The following RUNX1 variants were observed in gnomAD, a reference collection of about 807,000 sequenced individuals.
RUNX1 encodes runt-related transcription factor 1.
RUNX1 carries 19 observed loss-of-function variants against 42.8 expected under a neutral mutation model. The observed-to-expected ratio is 0.44, with a 90% confidence interval of 0.31 to 0.65. The LOEUF is 0.65. RUNX1 is among the 30% of genes least tolerant of loss of function. The pLI is 0.07. For missense variants in RUNX1, 528 were observed against 672.0 expected (o/e 0.79, Z 2.37); for synonymous variants, 271 against 289.4 (o/e 0.94, Z 0.64).
At chr21:35,040,570 G>A (rs573443311) in intron 2 of RUNX1, among the ~76,000 whole-genome samples, 2 of 151,700 alleles carry the variant, frequency 1.3e-5, no homozygotes, top group South Asian at 2.1e-4. Flanking sequence ...TCGGGAGATC[G>A]AAACCATCCT....
chr21:34,898,873 G>A (rs1313916968), intron 2 of RUNX1, among the ~76,000 whole-genome samples: 3 of 152,146 alleles, frequency 2.0e-5, no homozygotes, highest in Non-Finnish European at 2.9e-5. Flanking sequence ...CTGGTTCAAG[G>A]TCTGCACTCA....
intron 6 of RUNX1, among the ~76,000 whole-genome samples, chr21:34,842,200 T>A (rs2057246668): frequency 6.6e-6 from 1 of 152,130 alleles, no homozygotes; most frequent in Non-Finnish European, 1.5e-5. Context: ...ATGAGAATTG[T>A]CTCATTAGAA....
intron 6 of RUNX1, among the ~76,000 whole-genome samples, chr21:34,844,373 G>C (rs1033259358): frequency 1.3e-5 from 2 of 152,122 alleles, no homozygotes; most frequent in African/African-American, 4.8e-5. Flanking sequence ...TCCAGGAGGC[G>C]CACACACACT....
intron 8 of RUNX1, among the ~76,000 whole-genome samples, chr21:34,798,950 C>T (rs2056569169): frequency 6.6e-6 from 1 of 152,122 alleles, no homozygotes; most frequent in Non-Finnish European, 1.5e-5. Flanking sequence ...CCGCATGGAC[C>T]AGTCCCATTA....
At chr21:34,801,788 A>C (rs2056611487) in intron 7 of RUNX1, among the ~76,000 whole-genome samples, 1 of 152,244 alleles carries the variant, frequency 6.6e-6, no homozygotes, top group Admixed American at 6.5e-5. Flanking sequence ...AAAACAAAAA[A>C]GGCCTGATAA....
Position 34,969,765 on chromosome 21 carries a change from C to CAA in RUNX1, c.59-76804_59-76803dup, listed in dbSNP as rs150978735. Among the ~76,000 whole-genome samples the CAA allele has an allele frequency of 4.5e-4, 56 of 124,730 alleles. 2 individuals carry two copies. Among genetic ancestry groups the CAA allele is most frequent in the Middle Eastern group, 3.9e-3 (1 of 254 alleles). 81.8% of individuals were successfully genotyped at this position (124,730 alleles called of 152,430 possible). ...ATTTACAGCGCTTTATCAGTTAAAG[C>CAA]AAAAAAAAAACAAAGGCCAGGCAGA... is the stretch of plus-strand genomic sequence containing the variant. On this transcript the variant is annotated intron_variant, in intron 2 of 8. Transcript: ENST00000675419.
intron 2 of RUNX1, among the ~76,000 whole-genome samples, chr21:34,895,069 GGTCTAGATCAGAAAAT>G (rs2058119281): frequency 6.6e-6 from 1 of 151,884 alleles, no homozygotes; most frequent in Non-Finnish European, 1.5e-5. Context: ...CCCGTCTCAG[GGTCTAGATCAGAAAAT>G]ATCTTGGAAA....
chr21:35,003,379 G>A (rs935100451), intron 2 of RUNX1, among the ~76,000 whole-genome samples: 1 of 152,182 alleles, frequency 6.6e-6, no homozygotes. Context: ...TAACAAGGAC[G>A]AACGGTAATG....
intron 2 of RUNX1, among the ~76,000 whole-genome samples, chr21:34,939,185 C>CA (rs1327663844): frequency 1.3e-5 from 2 of 152,170 alleles, no homozygotes; most frequent in Non-Finnish European, 2.9e-5. Flanking sequence ...AGATTTTCCA[C>CA]AAAAAATTAT....
intron 5 of RUNX1, among the ~76,000 whole-genome samples, chr21:34,861,238 G>C (rs1193690837): frequency 6.6e-6 from 1 of 152,212 alleles, no homozygotes; most frequent in Non-Finnish European, 1.5e-5. Flanking sequence ...GTGGCATCTA[G>C]CTGAAGGAGA....
chr21:35,017,149 A>C (rs1027802088), intron 2 of RUNX1, among the ~76,000 whole-genome samples: 2 of 152,210 alleles, frequency 1.3e-5, no homozygotes, highest in Admixed American at 1.3e-4. Context: ...TGTTCCCTGC[A>C]CCCAGACCTC....
intron 2 of RUNX1, among the ~76,000 whole-genome samples, chr21:34,909,589 A>G (rs1385664177): frequency 9.6e-6 from 1 of 103,920 alleles, no homozygotes; most frequent in Non-Finnish European, 1.8e-5. Flanking sequence ...ACTGTTCCTC[A>G]AAAAAAAAAA....
chr21:34,998,361 T>C (rs1418931569), intron 2 of RUNX1, among the ~76,000 whole-genome samples: 1 of 151,918 alleles, frequency 6.6e-6, no homozygotes, highest in African/African-American at 2.4e-5. Flanking sequence ...ACCGTGTGAC[T>C]TTCAGAGATA....
chr21:34,811,833 C>T (rs142473551), intron 7 of RUNX1, among the ~76,000 whole-genome samples: 17 of 152,260 alleles, frequency 1.1e-4, no homozygotes, highest in African/African-American at 4.1e-4. Flanking sequence ...CATTCCTAAA[C>T]ACAGTGTCCT....
chr21:34,886,730 G>T, intron 4 of RUNX1, 113 bp downstream of exon 4: 1 of 1,534,382 alleles, frequency 6.5e-7, no homozygotes. Context: ...ACCCGGGGCT[G>T]CGGGGGCCCC....
chr21:34,897,231 A>G (rs2058137931), intron 2 of RUNX1, among the ~76,000 whole-genome samples: 1 of 152,058 alleles, frequency 6.6e-6, no homozygotes, highest in Admixed American at 6.5e-5. Flanking sequence ...TTCGGCCCCC[A>G]CCTTTCAATT....
rs535335030 is a variant in RUNX1, at chr21:34,883,243, C to T, written c.352-2530G>A. 7.9e-5 allele frequency among the ~76,000 whole-genome samples: 12 copies of T among 152,196 alleles called. No homozygotes were observed. The South Asian group carries it at 2.5e-3, about 32-fold the overall frequency. On this transcript the variant is annotated intron_variant, in intron 4 of 8. Transcript: ENST00000675419. ...AAAATTAGAAGTTTAACTCCCACTC[C>T]TCTTTTTTTTTAAATGCAGCAGAAT... is the stretch of plus-strand genomic sequence containing the variant.
chr21:34,919,420 C>T (rs948608685), intron 2 of RUNX1, among the ~76,000 whole-genome samples: 1 of 152,106 alleles, frequency 6.6e-6, no homozygotes, highest in Admixed American at 6.6e-5. Flanking sequence ...GGACCCATCC[C>T]GTGTTTTTGA....
chr21:34,970,437 A>C (rs1274769026), intron 2 of RUNX1, among the ~76,000 whole-genome samples: 1 of 152,228 alleles, frequency 6.6e-6, no homozygotes, highest in Non-Finnish European at 1.5e-5. Context: ...CTGGGAGAAG[A>C]CAGATGTGGC....
Sources: allele counts gnomAD v4.1 joint callset (sites outside exome capture counted in the v4.1 genomes callset), GRCh38; gene constraint gnomAD v4.1.1; transcripts MANE v1.5; gene names NCBI Gene and HGNC (gene_info 2026-07-23, HGNC 2026-07-21).